Variants in ADCY9 observed in about 807,000 individuals in gnomAD.
ADCY9 encodes adenylate cyclase 9.
ADCY9 carries 50 observed loss-of-function variants against 101.5 expected under a neutral mutation model. That is an observed-to-expected ratio of 0.49 (90% confidence interval 0.39 to 0.62). The LOEUF (loss-of-function observed/expected upper bound fraction) is 0.62, where lower values mean the gene tolerates loss of function less well. Ranked by LOEUF, ADCY9 falls within the 20% of genes least tolerant of loss-of-function variation. ADCY9 has a pLI of 0.00. For synonymous variants in ADCY9, 905 were observed against 769.3 expected (o/e 1.18, Z -2.92); for missense variants, 1,662 against 1,800.4 (o/e 0.92, Z 1.39).
chr16:4,082,089 G>C (rs1221317926), intron 2 of ADCY9, among the ~76,000 whole-genome samples: 5 of 152,036 alleles, frequency 3.3e-5, no homozygotes, highest in African/African-American at 1.2e-4. Context: ...TTAAAATGCT[G>C]CATGAAGGTT....
At chr16:4,044,478 C>A (rs1981644) in intron 2 of ADCY9, among the ~76,000 whole-genome samples, 106,269 of 152,114 alleles carry the variant, frequency 0.7, 42,135 homozygotes, top group South Asian at 0.9. Flanking sequence ...CAAAGGAAAT[C>A]AAAAAAAGGC....
At chr16:4,070,414 A>G (rs2056826661) in intron 2 of ADCY9, among the ~76,000 whole-genome samples, 1 of 152,226 alleles carries the variant, frequency 6.6e-6, no homozygotes, top group Non-Finnish European at 1.5e-5. Context: ...AAAGTTTCAA[A>G]TAATATTATG....
rs2057146179 is a variant in ADCY9 at position 4,115,628 on chromosome 16, G to T, written c.-44+62C>A. The stretch of plus-strand genomic sequence containing the variant: ...CTGTTCCTGTGGTTCCCGGCTCAGC[G>T]GTGCTCCCACCGCCCCCACCGCCCC... On this transcript the variant is annotated intron_variant, in intron 1 of 10. Transcript: ENST00000294016. This position sits in a 1 kb window ranked among gnomAD's most constrained non-coding sequence, Gnocchi z 6.2. The T allele has an allele frequency of 2.8e-6, 2 of 722,584 alleles. No homozygotes were observed. The highest frequency in any genetic ancestry group is 2.2e-6 in the Non-Finnish European group (1 of 461,034). The allele number at this position is 722,584 out of a possible 1,614,324, so 44.8% of individuals were successfully genotyped here. A position where few individuals can be genotyped will look rare whatever the true frequency, so the allele number is the denominator to read the frequency against.
At chr16:4,057,035 AC>A (rs1326474279) in intron 2 of ADCY9, among the ~76,000 whole-genome samples, 3 of 78,952 alleles carry the variant, frequency 3.8e-5, no homozygotes, top group African/African-American at 5.0e-5. Flanking sequence ...TACTGATGAA[AC>A]CGCCCCCCCC....
intron 2 of ADCY9, among the ~76,000 whole-genome samples, chr16:4,069,416 G>C (rs549092164): frequency 2.6e-5 from 4 of 151,930 alleles, no homozygotes; most frequent in African/African-American, 4.8e-5. Flanking sequence ...TCTACTTCTC[G>C]GGGGAGCCGT....
At chr16:4,002,049 A>T (rs1274358151) in intron 3 of ADCY9, among the ~76,000 whole-genome samples, 1 of 152,084 alleles carries the variant, frequency 6.6e-6, no homozygotes, top group African/African-American at 2.4e-5. Context: ...CACCTGGCGG[A>T]GACTACCCTT....
intron 10 of ADCY9, among the ~76,000 whole-genome samples, chr16:3,971,073 A>T (rs1398791441): frequency 6.6e-6 from 1 of 152,108 alleles, no homozygotes; most frequent in East Asian, 1.9e-4. Flanking sequence ...GTTTACGCTG[A>T]ATACCCGCTT....
chr16:3,958,092 C>T (rs998055541), downstream of ADCY9, among the ~76,000 whole-genome samples: 9 of 152,176 alleles, frequency 5.9e-5, no homozygotes, highest in African/African-American at 2.2e-4. Flanking sequence ...GGGTCCCCAA[C>T]CATCGGCTCT....
chr16:4,099,149 T>C (rs1567147741), intron 2 of ADCY9, among the ~76,000 whole-genome samples: 2 of 152,042 alleles, frequency 1.3e-5, no homozygotes, highest in Non-Finnish European at 2.9e-5. Context: ...GCCAGGCTGG[T>C]CTCAAACTCC....
In ADCY9 at chr16:4,044,272, A is replaced by G. The variant is rs781734101; in HGVS notation, c.1694-36714T>C. ...TGAAGCAGGAGAATCGCTTGAACCC[A>G]GGAGGCGGAGGTTGCAGTGGGCTGA... is the stretch of plus-strand genomic sequence containing the variant. On this transcript the variant is annotated intron_variant, in intron 2 of 10. Coordinates refer to ENST00000294016, the MANE Select transcript of ADCY9 (RefSeq NM_001116.4). Among the ~76,000 whole-genome samples, 50 of 152,082 alleles carry G rather than the reference A, an allele frequency of 3.3e-4. No individual in the cohort carries two copies. The Middle Eastern group carries it at 0.01, about 31-fold the overall frequency.
intron 8 of ADCY9, among the ~76,000 whole-genome samples, chr16:3,978,463 T>C (rs1484582188): frequency 6.6e-6 from 1 of 152,164 alleles, no homozygotes; most frequent in East Asian, 1.9e-4. Flanking sequence ...GTCAATTCTG[T>C]GTGCCAGGTA....
intron 2 of ADCY9, among the ~76,000 whole-genome samples, chr16:4,008,058 G>A (rs964535465): frequency 2.0e-5 from 3 of 151,966 alleles, no homozygotes; most frequent in African/African-American, 7.3e-5. Flanking sequence ...CCCTACCAGG[G>A]ACCAAGAGGC....
rs199753697 is a variant in ADCY9 at position 3,992,223 on chromosome 16, C to T, written c.2130G>A (p.Ser710=). The T allele has an allele frequency of 5.6e-6, 9 of 1,614,160 alleles. No homozygotes were observed. Among genetic ancestry groups the T allele is most frequent in the Non-Finnish European group, 7.6e-6 (9 of 1,180,032 alleles). ...GRWAGVSLDQ[S]ALLPLRFKNI... Reference sequence around the variant, plus strand: ...TCTTGAACCTCAGCGGAAGGAGAGCCGACTGGTCCAGGCTCACCCCTGCCC... The same window carrying T: ...TCTTGAACCTCAGCGGAAGGAGAGCTGACTGGTCCAGGCTCACCCCTGCCC... The change falls in exon 5 of 11, where the codon TCG becomes TCA. Residue 710 remains serine, a synonymous_variant. Transcript: ENST00000294016. This position sits in a 1 kb window ranked among gnomAD's most constrained non-coding sequence, Gnocchi z 4.2.
chr16:4,102,113 C>T (rs1225030360), intron 2 of ADCY9, among the ~76,000 whole-genome samples: 2 of 152,264 alleles, frequency 1.3e-5, no homozygotes, highest in East Asian at 1.9e-4. Flanking sequence ...TAGTGCAATA[C>T]GAAATGTGAC....
chr16:3,963,622 G>A lies in ADCY9; in HGVS notation c.*2153C>T, dbSNP rs771715942. 5.8e-6 allele frequency: 2 copies of A among 341,952 alleles called. No homozygotes were observed. The highest frequency in any genetic ancestry group is 1.1e-5 in the Non-Finnish European group (2 of 190,406). 21.2% of individuals were successfully genotyped at this position (341,952 alleles called of 1,614,324 possible). ...ACCTTTGTGGTTGGGGAAGGAAATG[G>A]GCTTGATGGGGAAGAAGTGTGTGCG... On this transcript the variant is annotated 3_prime_UTR_variant, in exon 11 of 11. Coordinates refer to ENST00000294016, the MANE Select transcript of ADCY9 (RefSeq NM_001116.4).
chr16:4,049,563 C>T (rs148879890), intron 2 of ADCY9, among the ~76,000 whole-genome samples: 82 of 152,244 alleles, frequency 5.4e-4, no homozygotes, highest in African/African-American at 1.9e-3. Context: ...GAGCCGAAAC[C>T]ACGTGAAAAG....
Position 3,966,306 on chromosome 16 carries a change from G to A in ADCY9, c.3531C>T (p.Ile1177=), listed in dbSNP as rs146365616. 5.5e-5 allele frequency: 88 copies of A among 1,613,990 alleles called. No homozygotes were observed. In the South Asian group the frequency reaches 8.7e-4, roughly 16 times the overall value. ...TGTCGTACAGCAGCTTGGTGGTGCC[G>A]ATGACCCCGGCCGTGAGGGGCCCAT... ...FNHGPLTAGV[I]GTTKLLYDIW... The change falls in exon 11 of 11, where the codon ATC becomes ATT. Residue 1177 remains isoleucine, a synonymous_variant. Transcript: ENST00000294016.
chr16:3,984,842 G>A (rs1010416894), intron 6 of ADCY9, among the ~76,000 whole-genome samples: 2 of 152,220 alleles, frequency 1.3e-5, no homozygotes, highest in African/African-American at 4.8e-5. Context: ...AAGGTCTCCT[G>A]GCAGCCCTGG....
intron 2 of ADCY9, among the ~76,000 whole-genome samples, chr16:4,039,091 C>T (rs566822639): frequency 1.2e-4 from 19 of 152,254 alleles, no homozygotes; most frequent in South Asian, 8.3e-4. Context: ...ACAGTTAACC[C>T]GCACCAGTCT....
Sources: allele counts gnomAD v4.1 joint callset (sites outside exome capture counted in the v4.1 genomes callset), GRCh38; gene constraint gnomAD v4.1.1; non-coding constraint Gnocchi (gnomAD v3.1); transcripts MANE v1.5; gene names NCBI Gene and HGNC (gene_info 2026-07-23, HGNC 2026-07-21).